Variants in GATM observed in about 807,000 individuals in gnomAD.
GATM encodes the protein glycine amidinotransferase, mitochondrial.
Under a neutral mutation model 54.2 loss-of-function variants are expected in GATM, and 23 were observed. The observed-to-expected ratio is 0.42, with a 90% CI of 0.31 to 0.60. The LOEUF (loss-of-function observed/expected upper bound fraction) is 0.60, where lower values mean the gene tolerates loss of function less well. Among genes scored for constraint, GATM ranks in the 20% least tolerant of loss-of-function variants. The probability of loss-of-function intolerance (pLI) is 0.14; values close to 1 mark genes in which losing one functional copy is unlikely to be tolerated. For missense variants in GATM, 401 were observed against 544.9 expected, an observed-to-expected ratio of 0.74 and a Z score of 2.63; for synonymous variants, 168 against 183.1, an observed-to-expected ratio of 0.92 and a Z score of 0.67.
upstream of GATM, chr15:45,379,301 T>A (rs1889700544): frequency 6.6e-6 from 1 of 152,206 alleles, no homozygotes; most frequent in African/African-American, 2.4e-5. Flanking sequence ...TTGCTGTGGA[T>A]TTGTACAGAG....
Position 45,378,394 on chromosome 15 carries a change from G to A in GATM, c.60C>T (p.Ile20=). ...GSRGAEAVHY[I]GSRLGRTLTG... Reference sequence around the variant, plus strand: ...CCGGTGGCGCACGCACCCGAGATCCGATGTAGTGCACCGCCTCGGCGCCGC... The same window carrying A: ...CCGGTGGCGCACGCACCCGAGATCCAATGTAGTGCACCGCCTCGGCGCCGC... The change falls in exon 1 of 9, where the codon ATC becomes ATT. Residue 20 remains isoleucine, a synonymous_variant. Coordinates refer to ENST00000396659, the MANE Select transcript of GATM (RefSeq NM_001482.3). 1.3e-6 allele frequency: 2 copies of A among 1,518,178 alleles called. No homozygotes were observed. Among genetic ancestry groups the A allele is most frequent in the East Asian group, 2.6e-5 (1 of 38,642 alleles). 94.0% of individuals were successfully genotyped at this position (1,518,178 alleles called of 1,614,324 possible).
intron 1 of GATM, among the ~76,000 whole-genome samples, chr15:45,401,712 C>T (rs986755131): frequency 3.9e-5 from 6 of 152,168 alleles, no homozygotes; most frequent in African/African-American, 1.4e-4. Flanking sequence ...AAAGAATATT[C>T]AAAAGAATAT....
intron 3 of GATM, among the ~76,000 whole-genome samples, chr15:45,395,848 G>T (rs933631419): frequency 6.6e-6 from 1 of 151,518 alleles, no homozygotes; most frequent in African/African-American, 2.4e-5. Flanking sequence ...GGTACAGAAT[G>T]AATAAAAAAA....
chr15:45,375,450 C>T (rs555256644), intron 2 of GATM, among the ~76,000 whole-genome samples: 2 of 152,220 alleles, frequency 1.3e-5, no homozygotes, highest in South Asian at 4.1e-4. Flanking sequence ...GTCATTGAAG[C>T]TAGGTGGTGG....
chr15:45,372,346 T>C (rs892753639), intron 2 of GATM, among the ~76,000 whole-genome samples: 1 of 152,232 alleles, frequency 6.6e-6, no homozygotes. Flanking sequence ...CTAAGGTCTA[T>C]AGGCAAACAG....
intron 3 of GATM, chr15:45,396,226 G>A (rs978368920): frequency 1.3e-5 from 2 of 152,120 alleles, no homozygotes; most frequent in Non-Finnish European, 2.9e-5. Flanking sequence ...CTGGAGCCTG[G>A]TCTTCTCTCT....
chr15:45,364,286 G>A, intron 7 of GATM: 1 of 440,528 alleles, frequency 2.3e-6, no homozygotes, highest in Non-Finnish European at 4.1e-6. Context: ...GCTGAGGCAG[G>A]AGGATTCCTT....
intron 1 of GATM, chr15:45,377,266 G>A (rs1312232143): frequency 2.1e-6 from 1 of 470,460 alleles, no homozygotes; most frequent in South Asian, 1.5e-5. Flanking sequence ...ACCAATATTA[G>A]GCTTTTTATT....
At chr15:45,379,136 G>T (rs768658602), upstream of GATM, 5 of 152,208 alleles carry the variant, frequency 3.3e-5, no homozygotes, top group Non-Finnish European at 7.3e-5. Flanking sequence ...TATGCCCCTG[G>T]CTTGAGAAAC....
chr15:45,382,356 T>C (rs903038715), upstream of GATM, among the ~76,000 whole-genome samples: 1 of 152,180 alleles, frequency 6.6e-6, no homozygotes, highest in East Asian at 1.9e-4. Flanking sequence ...GAAGATCTCA[T>C]TGTAAAGTAT....
intron 3 of GATM, among the ~76,000 whole-genome samples, chr15:45,395,832 T>C (rs1054497123): frequency 1.3e-5 from 2 of 152,108 alleles, no homozygotes; most frequent in African/African-American, 2.4e-5. Flanking sequence ...TTACCGCACA[T>C]TTCCTGGTAC....
In GATM at chr15:45,361,923, C is replaced by T. The variant is rs144237947; in HGVS notation, c.*186G>A. On this transcript the variant is annotated 3_prime_UTR_variant, in exon 9 of 9. Transcript: ENST00000396659. ...ATAACTTTAGGAGTAGAGAGTAATACCTAGCAGAAGTTATTTTCTTTATGT... is the reference window on the plus strand; with the variant it reads ...ATAACTTTAGGAGTAGAGAGTAATATCTAGCAGAAGTTATTTTCTTTATGT... 1.6e-5 allele frequency: 10 copies of T among 620,184 alleles called. No homozygotes were observed. The African/African-American group carries it at 1.7e-4, about 10-fold the overall frequency. 38.4% of individuals were successfully genotyped at this position (620,184 alleles called of 1,614,324 possible).
intron 7 of GATM, 92 bp downstream of exon 7, chr15:45,364,705 G>A: frequency 1.8e-6 from 2 of 1,107,608 alleles, no homozygotes; most frequent in Non-Finnish European, 2.8e-6. Context: ...CATTCTCTAA[G>A]CTGCTAACAT....
intron 3 of GATM, among the ~76,000 whole-genome samples, chr15:45,393,651 TC>T (rs1889895253): frequency 6.6e-6 from 1 of 152,314 alleles, no homozygotes; most frequent in South Asian, 2.1e-4. Context: ...AGGTTGAGTA[TC>T]CCTTATCTGA....
At chr15:45,371,815 C>T (rs1889548439) in intron 2 of GATM, among the ~76,000 whole-genome samples, 1 of 152,180 alleles carries the variant, frequency 6.6e-6, no homozygotes, top group Admixed American at 6.5e-5. Flanking sequence ...TTCAAATTGT[C>T]CCAATGGCTT....
chr15:45,400,936 C>T (rs1247440184), intron 1 of GATM, among the ~76,000 whole-genome samples: 1 of 151,190 alleles, frequency 6.6e-6, no homozygotes, highest in African/African-American at 2.5e-5. Flanking sequence ...GCATGTAATT[C>T]ACACCTTTAG....
In GATM at chr15:45,363,886, T is replaced by C. The variant is rs368974196; in HGVS notation, c.1159+14A>G. 6.9e-5 allele frequency: 100 copies of C among 1,440,052 alleles called. No individual in the cohort carries two copies. The highest frequency in any genetic ancestry group is 9.2e-5 in the Non-Finnish European group (94 of 1,022,114). 89.2% of individuals were successfully genotyped at this position (1,440,052 alleles called of 1,614,324 possible). ...TTTTCATGTATGACAACATGTTTCA[T>C]TTGTTGTACATACCCAGCTTTTCAA... On this transcript the variant is annotated intron_variant, in intron 8 of 8. Transcript: ENST00000396659.
chr15:45,364,236 T>A, intron 7 of GATM: 1 of 542,570 alleles, frequency 1.8e-6, no homozygotes, highest in Non-Finnish European at 3.3e-6. Flanking sequence ...TTAAAAGTCA[T>A]ATCTTGGCTG....
At chr15:45,400,270 T>G (rs917980552) in intron 1 of GATM, among the ~76,000 whole-genome samples, 3 of 152,170 alleles carry the variant, frequency 2.0e-5, no homozygotes, top group African/African-American at 7.2e-5. Context: ...CACAAGGAGA[T>G]TATGTCATTG....
Sources: gnomAD v4.1 joint callset for allele counts (sites outside exome capture counted in the v4.1 genomes callset) on GRCh38, gnomAD v4.1.1 for gene constraint, MANE v1.5 for transcripts, NCBI Gene and HGNC (gene_info 2026-07-23, HGNC 2026-07-21) for gene names.